The following CACNB4 variants were observed in gnomAD, a reference collection of about 807,000 sequenced individuals.
The protein encoded by CACNB4 is voltage-dependent L-type calcium channel subunit beta-4.
In CACNB4, 32 loss-of-function variants were observed where a neutral mutation model predicts 71.2. The ratio of observed to expected loss-of-function variants is 0.45; its 90% CI spans 0.34 to 0.60. The LOEUF (loss-of-function observed/expected upper bound fraction) is 0.60, where lower values mean the gene tolerates loss of function less well. Ranked by LOEUF, CACNB4 falls within the 20% of genes least tolerant of loss-of-function variation. The pLI, the probability that CACNB4 is intolerant of heterozygous loss-of-function variation, is 0.01. For missense variants in CACNB4, 464 were observed against 647.9 expected, an observed-to-expected ratio of 0.72 and a Z score of 3.08; for synonymous variants, 231 against 236.9, an observed-to-expected ratio of 0.97 and a Z score of 0.23.
At chr2:152,011,536 C>T (rs952691035) in intron 2 of CACNB4, among the ~76,000 whole-genome samples, 1 of 152,206 alleles carries the variant, frequency 6.6e-6, no homozygotes, top group Non-Finnish European at 1.5e-5. Context: ...GTCCCAGTAG[C>T]AACATACCTG....
chr2:151,863,103 T>C (rs1393170019), intron 9 of CACNB4, among the ~76,000 whole-genome samples: 5 of 151,674 alleles, frequency 3.3e-5, no homozygotes, highest in African/African-American at 4.8e-5. Context: ...TCTCGCTCTG[T>C]CACCCAGGCT....
At chr2:152,090,005 T>C (rs1687883049) in intron 2 of CACNB4, among the ~76,000 whole-genome samples, 1 of 152,170 alleles carries the variant, frequency 6.6e-6, no homozygotes, top group Non-Finnish European at 1.5e-5. Context: ...AGAGTCTTCA[T>C]GAATGTGAGT....
chr2:151,881,980 A>T (rs371333602), intron 3 of CACNB4, among the ~76,000 whole-genome samples: 1 of 148,820 alleles, frequency 6.7e-6, no homozygotes, highest in Non-Finnish European at 1.5e-5. Context: ...TCCTGGGTTC[A>T]AGTGATTCTC....
intron 2 of CACNB4, among the ~76,000 whole-genome samples, chr2:151,912,859 G>T (rs1466499490): frequency 1.3e-5 from 2 of 152,152 alleles, no homozygotes; most frequent in African/African-American, 2.4e-5. Flanking sequence ...CTCCTGTACT[G>T]GGTGCATATA....
intron 2 of CACNB4, among the ~76,000 whole-genome samples, chr2:152,000,572 G>A (rs536198613): frequency 8.5e-5 from 13 of 152,196 alleles, no homozygotes; most frequent in African/African-American, 2.4e-4. Flanking sequence ...AACCCAAGAC[G>A]TCTGTAACTA....
intron 12 of CACNB4, chr2:151,853,055 A>G: frequency 5.7e-6 from 1 of 176,452 alleles, no homozygotes; most frequent in Non-Finnish European, 1.2e-5. Flanking sequence ...CTTCAGTGTC[A>G]TAATCTTTTA....
chr2:151,845,133 T>C (rs2099837223), intron 12 of CACNB4, among the ~76,000 whole-genome samples: 1 of 152,200 alleles, frequency 6.6e-6, no homozygotes, highest in African/African-American at 2.4e-5. Context: ...TAGACATAAT[T>C]AGTGGCACAT....
intron 2 of CACNB4, among the ~76,000 whole-genome samples, chr2:151,983,839 C>T (rs2099875153): frequency 6.6e-6 from 1 of 152,126 alleles, no homozygotes; most frequent in African/African-American, 2.4e-5. Flanking sequence ...CCATGTATCT[C>T]ACGGCACCCC....
intron 2 of CACNB4, among the ~76,000 whole-genome samples, chr2:152,035,630 CCTCT>C (rs369495604): frequency 0.045 from 4,156 of 93,282 alleles, 283 homozygotes; most frequent in African/African-American, 0.17. Flanking sequence ...CCTCCCTCTC[CCTCT>C]CTCTCTCTCT....
chr2:152,025,253 TAGCTTTCCTGAAAACAGG>T (rs2105150039), intron 2 of CACNB4, among the ~76,000 whole-genome samples: 1 of 152,332 alleles, frequency 6.6e-6, no homozygotes, highest in East Asian at 1.9e-4. Flanking sequence ...TTAAGTTTGA[TAGCTTTCCTGAAAACAGG>T]AAATTGTTCA....
At chr2:152,031,591 G>A (rs772219207) in intron 2 of CACNB4, among the ~76,000 whole-genome samples, 1 of 152,146 alleles carries the variant, frequency 6.6e-6, no homozygotes, top group Non-Finnish European at 1.5e-5. Context: ...CCTGGGACCA[G>A]GCAGAGGAGG....
chr2:152,087,257 C>T (rs1212151625), intron 2 of CACNB4, among the ~76,000 whole-genome samples: 1 of 151,584 alleles, frequency 6.6e-6, no homozygotes, highest in Admixed American at 6.6e-5. Context: ...CATGGTGAAA[C>T]CCCTTCTCTA....
chr2:152,045,138 G>A (rs79940739), intron 2 of CACNB4, among the ~76,000 whole-genome samples: 107 of 152,312 alleles, frequency 7.0e-4, no homozygotes, highest in African/African-American at 2.5e-3. Flanking sequence ...CATATGTATG[G>A]ATATGGAGAG....
At chr2:151,909,456 A>C (rs1323977665) in intron 2 of CACNB4, among the ~76,000 whole-genome samples, 8 of 128,032 alleles carry the variant, frequency 6.2e-5, no homozygotes, top group Non-Finnish European at 9.4e-5. Context: ...AAAACAAAAA[A>C]AAAAAACAAA....
chr2:151,865,516 A>C (rs2099842852), intron 9 of CACNB4, among the ~76,000 whole-genome samples: 1 of 152,230 alleles, frequency 6.6e-6, no homozygotes, highest in Non-Finnish European at 1.5e-5. Context: ...ATTTGAAATG[A>C]TTGGCATAGG....
intron 2 of CACNB4, among the ~76,000 whole-genome samples, chr2:152,065,319 G>A (rs990507018): frequency 5.3e-5 from 8 of 151,722 alleles, no homozygotes; most frequent in African/African-American, 1.9e-4. Flanking sequence ...GGAGCCAGAG[G>A]TTGCAGTGAG....
chr2:151,848,439 C>T (rs187576361), intron 12 of CACNB4, among the ~76,000 whole-genome samples: 150 of 152,236 alleles, frequency 9.9e-4, no homozygotes, highest in Non-Finnish European at 1.8e-3. Flanking sequence ...TAAATCCACA[C>T]GATTCTAAAT....
rs771610437 is a variant in CACNB4 at position 152,098,995 on chromosome 2, T to TAGG, written c.14_16dup (p.Ser5dup). 3.3e-6 allele frequency: 5 copies of TAGG among 1,530,632 alleles called. No homozygotes were observed. The highest frequency in any genetic ancestry group is 4.4e-6 in the Non-Finnish European group (5 of 1,141,122). The allele number at this position is 1,530,632 out of a possible 1,614,324, so 94.8% of individuals were successfully genotyped here. On this transcript the variant is annotated inframe_insertion, in exon 1 of 14. Coordinates refer to ENST00000539935, the MANE Select transcript of CACNB4 (RefSeq NM_000726.5). The surrounding 1 kb of genome is among the most constrained non-coding windows in gnomAD (Gnocchi z 5.3). Reference sequence around the variant, plus strand: ...CCCGTCCGCGGTCCCGTTCTTGGCGTAGGAGGAGGAGGACATCGTTCAGAG... The same window carrying TAGG: ...CCCGTCCGCGGTCCCGTTCTTGGCGTAGGAGGAGGAGGAGGACATCGTTCAGAG...
At chr2:151,847,113 A>G (rs2151332124) in intron 12 of CACNB4, among the ~76,000 whole-genome samples, 1 of 151,724 alleles carries the variant, frequency 6.6e-6, no homozygotes, top group South Asian at 2.1e-4. Context: ...AAAAAAAAAA[A>G]AAAAAAAGAT....
Sources: allele counts gnomAD v4.1 joint callset (sites outside exome capture counted in the v4.1 genomes callset), GRCh38; gene constraint gnomAD v4.1.1; non-coding constraint Gnocchi (gnomAD v3.1); transcripts MANE v1.5; gene names NCBI Gene and HGNC (gene_info 2026-07-23, HGNC 2026-07-21).